The following TMEM50B variants were observed in gnomAD, a reference collection of about 807,000 sequenced individuals.
TMEM50B encodes the protein transmembrane protein 50B.
TMEM50B carries 14 observed loss-of-function variants against 23.4 expected under a neutral mutation model. That is an observed-to-expected ratio of 0.60 (90% CI 0.39 to 0.93). The LOEUF is 0.93. TMEM50B is among the 40% of genes least tolerant of loss of function. The probability of loss-of-function intolerance (pLI) is 0.00; values close to 1 mark genes in which losing one functional copy is unlikely to be tolerated. For synonymous variants in TMEM50B, 64 were observed against 62.3 expected (o/e 1.03, Z -0.13); for missense variants, 159 against 193.0 (o/e 0.82, Z 1.04).
At chr21:33,470,773 C>T (rs112017383) in intron 1 of TMEM50B, among the ~76,000 whole-genome samples, 202 of 151,984 alleles carry the variant, frequency 1.3e-3, no homozygotes, top group Non-Finnish European at 2.0e-3. Context: ...ACCTGTAATC[C>T]CAGCTACTCA....
intron 3 of TMEM50B, among the ~76,000 whole-genome samples, chr21:33,466,118 G>A (rs1434294912): frequency 6.6e-6 from 1 of 151,990 alleles, no homozygotes; most frequent in Non-Finnish European, 1.5e-5. Flanking sequence ...AAAATTAGCT[G>A]GGCGTAGTGG....
downstream of TMEM50B, among the ~76,000 whole-genome samples, chr21:33,446,635 T>TACAC (rs67034992): frequency 6.9e-5 from 4 of 57,584 alleles, no homozygotes; most frequent in Non-Finnish European, 9.1e-5. Context: ...AGACATACAA[T>TACAC]ACACACACAC....
intron 8 of TMEM50B, among the ~76,000 whole-genome samples, chr21:33,434,605 C>T (rs780836171): frequency 2.6e-5 from 4 of 152,148 alleles, no homozygotes; most frequent in Non-Finnish European, 5.9e-5. Flanking sequence ...GTGTTGGAAG[C>T]AGAATGTTAC....
At chr21:33,443,503 AAGTTCCAAATGCCT>A (rs1385456791) in intron 7 of TMEM50B, among the ~76,000 whole-genome samples, 1 of 152,242 alleles carries the variant, frequency 6.6e-6, no homozygotes, top group African/African-American at 2.4e-5. Context: ...TAAGCCACTC[AAGTTCCAAATGCCT>A]AGTCACAGAA....
chr21:33,464,630 AC>A, intron 4 of TMEM50B, among the ~76,000 whole-genome samples: 1 of 150,020 alleles, frequency 6.7e-6, no homozygotes, highest in South Asian at 2.1e-4. Flanking sequence ...ACATGGAGAA[AC>A]CCCATCTCTA....
chr21:33,433,113 T>C (rs1318599828), intron 8 of TMEM50B, among the ~76,000 whole-genome samples: 2 of 152,184 alleles, frequency 1.3e-5, no homozygotes, highest in African/African-American at 4.8e-5. Context: ...CTCAAACTCC[T>C]GACCTCAAGT....
intron 6 of TMEM50B, among the ~76,000 whole-genome samples, chr21:33,453,012 TG>T (rs766081062): frequency 6.6e-6 from 1 of 152,246 alleles, no homozygotes; most frequent in Non-Finnish European, 1.5e-5. Flanking sequence ...AAAAAATCAT[TG>T]GATGGCATAG....
chr21:33,472,822 AG>A (rs1308546633), intron 1 of TMEM50B, among the ~76,000 whole-genome samples: 2 of 152,224 alleles, frequency 1.3e-5, no homozygotes, highest in South Asian at 2.1e-4. Flanking sequence ...CAGTGAGCCA[AG>A]ATCACACCAT....
At chr21:33,455,137 T>A (rs1213565682) in intron 6 of TMEM50B, among the ~76,000 whole-genome samples, 3 of 151,768 alleles carry the variant, frequency 2.0e-5, no homozygotes, top group African/African-American at 7.3e-5. Context: ...AATAAATAAA[T>A]AAAAATAAAA....
chr21:33,436,779 A>C (rs754826092), intron 8 of TMEM50B: 1 of 1,526,556 alleles, frequency 6.6e-7, no homozygotes, highest in Non-Finnish European at 9.1e-7. Flanking sequence ...AAGGTCTGGT[A>C]TACTGAACTG....
intron 4 of TMEM50B, chr21:33,464,945 G>C (rs913837091): frequency 6.2e-6 from 1 of 161,186 alleles, no homozygotes; most frequent in Non-Finnish European, 1.3e-5. Flanking sequence ...CAGGTGATCA[G>C]AAGTGAATGT....
chr21:33,458,493 G>A (rs1049706006), intron 5 of TMEM50B, among the ~76,000 whole-genome samples: 4 of 152,162 alleles, frequency 2.6e-5, no homozygotes, highest in South Asian at 2.1e-4. Context: ...CAGCCTGGGC[G>A]ACAGAGCAAG....
intron 1 of TMEM50B, among the ~76,000 whole-genome samples, chr21:33,477,204 A>C (rs2084381454): frequency 6.6e-6 from 1 of 151,798 alleles, no homozygotes; most frequent in Non-Finnish European, 1.5e-5. Flanking sequence ...CTGAGGTGGG[A>C]GGATCGTTTG....
chr21:33,465,266 C>T, intron 4 of TMEM50B, 76 bp downstream of exon 4: 2 of 1,070,110 alleles, frequency 1.9e-6, no homozygotes, highest in Non-Finnish European at 1.4e-6. Context: ...TGAATAAAGA[C>T]TCACAAGAGA....
downstream of TMEM50B, among the ~76,000 whole-genome samples, chr21:33,446,760 G>A (rs1486236507): frequency 1.3e-5 from 2 of 151,040 alleles, no homozygotes; most frequent in East Asian, 1.9e-4. Context: ...TCTAGTCCCA[G>A]CTACTCAGGA....
intron 5 of TMEM50B, among the ~76,000 whole-genome samples, chr21:33,458,521 C>T (rs1008022955): frequency 6.6e-6 from 1 of 152,114 alleles, no homozygotes; most frequent in Non-Finnish European, 1.5e-5. Context: ...CTCAAAAAAA[C>T]ACTTTCCTAT....
At chr21:33,453,098 TTATG>T (rs2084137268) in intron 6 of TMEM50B, among the ~76,000 whole-genome samples, 1 of 152,042 alleles carries the variant, frequency 6.6e-6, no homozygotes, top group South Asian at 2.1e-4. Flanking sequence ...TTTTATTTAT[TTATG>T]TATTTATTTA....
intron 6 of TMEM50B, among the ~76,000 whole-genome samples, chr21:33,454,897 G>T (rs1034698167): frequency 6.6e-6 from 1 of 152,042 alleles, no homozygotes; most frequent in African/African-American, 2.4e-5. Flanking sequence ...CAGGCAAATT[G>T]TCTGAGCTCA....
intron 1 of TMEM50B, among the ~76,000 whole-genome samples, chr21:33,471,480 A>C (rs1407172913): frequency 3.3e-5 from 5 of 152,198 alleles, no homozygotes; most frequent in Non-Finnish European, 7.3e-5. Context: ...ACTTTAAAGC[A>C]CCCATTATAA....
Sources: allele counts gnomAD v4.1 joint callset (sites outside exome capture counted in the v4.1 genomes callset), GRCh38; gene constraint gnomAD v4.1.1; transcripts MANE v1.5; gene names NCBI Gene and HGNC (gene_info 2026-07-23, HGNC 2026-07-21).